WWTR1: variants seen among roughly 807,000 people sequenced by gnomAD.
WWTR1 encodes the protein WW domain containing transcription regulator 1, also known as WW domain-containing transcription regulator protein 1.
WWTR1 carries 13 observed loss-of-function variants against 40.1 expected under a neutral mutation model. That is an observed-to-expected ratio of 0.32 (90% CI 0.21 to 0.52). The LOEUF (loss-of-function observed/expected upper bound fraction) is 0.52. WWTR1 is among the 20% of genes least tolerant of loss of function. WWTR1 has a pLI of 0.97. For synonymous variants in WWTR1, 230 were observed against 210.1 expected (o/e 1.09, Z -0.82); for missense variants, 436 against 523.1 (o/e 0.83, Z 1.63).
At chr3:149,608,470 C>T (rs1487648744) in intron 2 of WWTR1, among the ~76,000 whole-genome samples, 1 of 152,006 alleles carries the variant, frequency 6.6e-6, no homozygotes, top group Admixed American at 6.5e-5. Flanking sequence ...ACTGCAACCT[C>T]CATCTCCTGG....
chr3:149,714,333 G>T (rs1179441213), intron 5 of WWTR1, among the ~76,000 whole-genome samples: 2 of 152,202 alleles, frequency 1.3e-5, no homozygotes, highest in Non-Finnish European at 2.9e-5. Flanking sequence ...GCAGAACCAG[G>T]CATCTCTGAA....
At chr3:149,603,854 C>CAAAAA (rs370980729) in intron 2 of WWTR1, among the ~76,000 whole-genome samples, 11 of 83,276 alleles carry the variant, frequency 1.3e-4, no homozygotes, top group Non-Finnish European at 2.1e-4. Context: ...AGCGGCATAC[C>CAAAAA]AAAAAAAAAA....
At chr3:149,595,064 C>T (rs887660845) in intron 2 of WWTR1, among the ~76,000 whole-genome samples, 8 of 141,002 alleles carry the variant, frequency 5.7e-5, no homozygotes, top group South Asian at 4.5e-4. Context: ...CAGGTTCAAG[C>T]GATTCTCCTG....
chr3:149,603,322 G>C (rs1174584525), intron 2 of WWTR1, among the ~76,000 whole-genome samples: 1 of 152,116 alleles, frequency 6.6e-6, no homozygotes, highest in African/African-American at 2.4e-5. Context: ...GAGACATAAA[G>C]GGTCTTTGTT....
chr3:149,618,435 T>C (rs1300466132), intron 2 of WWTR1, among the ~76,000 whole-genome samples: 1 of 152,210 alleles, frequency 6.6e-6, no homozygotes, highest in Admixed American at 6.5e-5. Context: ...TATTTATCTC[T>C]AATCCTGACA....
chr3:149,664,064 G>A (rs1027878379), intron 2 of WWTR1, among the ~76,000 whole-genome samples: 2 of 152,148 alleles, frequency 1.3e-5, no homozygotes, highest in Non-Finnish European at 2.9e-5. Context: ...CCCTACCTCC[G>A]GGTTGCTGAC....
intron 1 of WWTR1, among the ~76,000 whole-genome samples, chr3:149,687,518 C>A (rs1417219809): frequency 6.6e-6 from 1 of 152,134 alleles, no homozygotes; most frequent in African/African-American, 2.4e-5. Flanking sequence ...TAATAATATA[C>A]CAGGTTCACA....
intron 1 of WWTR1, among the ~76,000 whole-genome samples, chr3:149,697,650 C>T (rs1715038344): frequency 6.6e-6 from 1 of 152,146 alleles, no homozygotes; most frequent in South Asian, 2.1e-4. Context: ...ATCTCATGTC[C>T]TTCTCACATT....
intron 2 of WWTR1, chr3:149,575,895 C>A (rs1436292763): frequency 2.2e-6 from 1 of 447,626 alleles, no homozygotes; most frequent in Non-Finnish European, 4.5e-6. Context: ...TCTGACCGAG[C>A]TTACCCATGG....
intron 2 of WWTR1, among the ~76,000 whole-genome samples, chr3:149,639,993 CAAAAAAAAA>C (rs1215330406): frequency 1.3e-5 from 1 of 76,314 alleles, no homozygotes; most frequent in African/African-American, 4.6e-5. Context: ...GACTCCGTCT[CAAAAAAAAA>C]AAAAAAAAAA....
chr3:149,698,372 G>A (rs572672055), intron 1 of WWTR1, among the ~76,000 whole-genome samples: 3 of 152,200 alleles, frequency 2.0e-5, no homozygotes, highest in Non-Finnish European at 2.9e-5. Flanking sequence ...CATGTAAGAC[G>A]TGCCTGTTTC....
At chr3:149,691,909 G>A (rs1323666750) in intron 1 of WWTR1, among the ~76,000 whole-genome samples, 3 of 151,994 alleles carry the variant, frequency 2.0e-5, no homozygotes, top group African/African-American at 7.3e-5. Flanking sequence ...CCAGCTCCTC[G>A]GGAGGCTGAG....
chr3:149,547,192 C>T (rs574363489), intron 3 of WWTR1, among the ~76,000 whole-genome samples: 1 of 146,612 alleles, frequency 6.8e-6, no homozygotes, highest in East Asian at 2.0e-4. Context: ...GATAATATTC[C>T]AGAACATTTT....
intron 4 of WWTR1, among the ~76,000 whole-genome samples, chr3:149,533,376 G>A (rs1304059403): frequency 2.0e-5 from 3 of 152,226 alleles, no homozygotes; most frequent in Non-Finnish European, 4.4e-5. Flanking sequence ...ATCCTATGAA[G>A]AAGAGTGGGG....
intron 1 of WWTR1, among the ~76,000 whole-genome samples, chr3:149,682,522 C>T (rs926629458): frequency 6.6e-6 from 1 of 152,140 alleles, no homozygotes; most frequent in South Asian, 2.1e-4. Flanking sequence ...AATGAACAAA[C>T]CTCTCTGGTC....
chr3:149,585,289 C>T (rs562049432), intron 2 of WWTR1, among the ~76,000 whole-genome samples: 4 of 152,216 alleles, frequency 2.6e-5, no homozygotes, highest in South Asian at 2.1e-4. Context: ...TGCGCCACTA[C>T]GCCAGGCTAA....
intron 2 of WWTR1, among the ~76,000 whole-genome samples, chr3:149,619,236 TGAA>T (rs990988064): frequency 2.0e-5 from 3 of 152,048 alleles, no homozygotes; most frequent in Non-Finnish European, 4.4e-5. Context: ...TGAAACTTCT[TGAA>T]GAAGAAAAAT....
intron 2 of WWTR1, among the ~76,000 whole-genome samples, chr3:149,606,333 T>A (rs1739485451): frequency 6.6e-6 from 1 of 152,242 alleles, no homozygotes; most frequent in South Asian, 2.1e-4. Context: ...GTCTGCTATA[T>A]GCCCTGGGTT....
chr3:149,640,047 C>T (rs898344805), intron 2 of WWTR1, among the ~76,000 whole-genome samples: 1 of 145,260 alleles, frequency 6.9e-6, no homozygotes, highest in African/African-American at 2.5e-5. Flanking sequence ...AGAAAAAGTA[C>T]AGAAGTCATA....
Sources: allele counts gnomAD v4.1 joint callset (sites outside exome capture counted in the v4.1 genomes callset), GRCh38; gene constraint gnomAD v4.1.1; transcripts MANE v1.5; gene names NCBI Gene and HGNC (gene_info 2026-07-23, HGNC 2026-07-21).